Variants in PDXDC1 observed in about 807,000 individuals in gnomAD.
PDXDC1 encodes pyridoxal dependent decarboxylase domain containing 1.
In PDXDC1, 42 loss-of-function variants were observed where a neutral mutation model predicts 100.1. The ratio of observed to expected loss-of-function variants is 0.42; its 90% CI spans 0.33 to 0.54. PDXDC1 has a LOEUF of 0.54. Among genes scored for constraint, PDXDC1 ranks in the 20% least tolerant of loss-of-function variants. PDXDC1 has a pLI of 0.10. For missense variants in PDXDC1, 636 were observed against 979.2 expected, an observed-to-expected ratio of 0.65 and a Z score of 4.68; for synonymous variants, 260 against 371.7, an observed-to-expected ratio of 0.70 and a Z score of 3.46.
At chr16:15,024,673 A>T (rs1226016832) in intron 13 of PDXDC1, among the ~76,000 whole-genome samples, 3 of 152,260 alleles carry the variant, frequency 2.0e-5, no homozygotes, top group Non-Finnish European at 4.4e-5. Flanking sequence ...AGCCTCCCAA[A>T]GTGCTGGGAT....
intron 21 of PDXDC1, among the ~76,000 whole-genome samples, 194 bp from the exon 22 acceptor site, chr16:15,035,255 C>T (rs2043339871): frequency 6.6e-6 from 1 of 152,230 alleles, no homozygotes; most frequent in Non-Finnish European, 1.5e-5. Flanking sequence ...CTGGCGGATG[C>T]TGGCGGTACT....
intron 16 of PDXDC1, among the ~76,000 whole-genome samples, chr16:15,112,108 A>C (rs562532243): frequency 6.8e-6 from 1 of 147,802 alleles, no homozygotes; most frequent in South Asian, 2.2e-4. Flanking sequence ...ATATTATCAC[A>C]GTATGCTTTT....
At chr16:15,055,820 AG>A (rs1274266565) in intron 16 of PDXDC1, 2 of 818,364 alleles carry the variant, frequency 2.4e-6, no homozygotes, top group Middle Eastern at 2.9e-4. Flanking sequence ...GTGTCGCGTG[AG>A]GGGGGCGCTA....
At chr16:15,018,488 A>G (rs2041956642) in intron 11 of PDXDC1, among the ~76,000 whole-genome samples, 2 of 152,294 alleles carry the variant, frequency 1.3e-5, no homozygotes, top group African/African-American at 2.4e-5. Context: ...GATTTCTGCT[A>G]AAACACTGCT....
intron 3 of PDXDC1, among the ~76,000 whole-genome samples, chr16:14,998,640 G>T (rs1282606062): frequency 5.9e-5 from 9 of 152,276 alleles, no homozygotes; most frequent in Admixed American, 5.2e-4. Context: ...GTAGAGATGG[G>T]ATTTTGCCAT....
chr16:15,091,423 T>C (rs1444745802), intron 16 of PDXDC1: 3 of 1,286,184 alleles, frequency 2.3e-6, no homozygotes, highest in Non-Finnish European at 3.3e-6. Context: ...CTGTTTAGTA[T>C]CAACAGCAAG....
At position 15,021,464 on chromosome 16, in the gene PDXDC1, T is replaced by C. The variant is rs187706162; in HGVS notation, c.1090-1240T>C. ...TTTTTTGAAAAGTGTCTCACTGTGC[T>C]ATTAGCTCACTTCTTGAGATGTGGT... On this transcript the variant is annotated intron_variant, in intron 12 of 22. Coordinates refer to ENST00000396410, the MANE Select transcript of PDXDC1 (RefSeq NM_015027.4). Among the ~76,000 whole-genome samples the C allele has an allele frequency of 9.2e-5, 14 of 152,418 alleles. No homozygotes were observed. In the East Asian group the frequency reaches 2.5e-3, roughly 27 times the overall value.
chr16:15,094,773 T>G (rs1300522438), intron 16 of PDXDC1: 1 of 156,394 alleles, frequency 6.4e-6, no homozygotes, highest in Non-Finnish European at 1.4e-5. Flanking sequence ...AAGGCTATGG[T>G]GATGCTGGCA....
At chr16:15,005,332 C>T (rs1974045087) in intron 5 of PDXDC1, among the ~76,000 whole-genome samples, 1 of 147,700 alleles carries the variant, frequency 6.8e-6, no homozygotes, top group South Asian at 2.1e-4. Context: ...AAAACTCTGT[C>T]ATAAGGAAGA....
At chr16:15,084,904 A>G (rs1429500791) in intron 16 of PDXDC1, among the ~76,000 whole-genome samples, 2 of 152,114 alleles carry the variant, frequency 1.3e-5, no homozygotes, top group East Asian at 3.9e-4. Context: ...CATCTCTACT[A>G]AAAATACAAA....
Position 15,071,296 on chromosome 16 carries a change from G to A in PDXDC1, c.1399+41240G>A, listed in dbSNP as rs535992234. The A allele has an allele frequency of 4.6e-6, 7 of 1,536,146 alleles. No homozygotes were observed. The South Asian group carries it at 5.0e-5, about 11-fold the overall frequency. On this transcript the variant is annotated intron_variant, in intron 16 of 16. Transcript: ENST00000535621. ...CGGTGTGATCTTTTTTAATGCCTAAGATAATCTGGCTATCAAAATCCCAAG... is the reference window on the plus strand; with the variant it reads ...CGGTGTGATCTTTTTTAATGCCTAAAATAATCTGGCTATCAAAATCCCAAG...
intron 3 of PDXDC1, among the ~76,000 whole-genome samples, chr16:14,999,838 G>A (rs2151341785): frequency 6.6e-6 from 1 of 152,378 alleles, no homozygotes; most frequent in East Asian, 1.9e-4. Flanking sequence ...TCCCAGCCCA[G>A]CTTCCCTGAG....
chr16:15,078,787 A>C, intron 16 of PDXDC1, among the ~76,000 whole-genome samples: 1 of 149,462 alleles, frequency 6.7e-6, no homozygotes, highest in African/African-American at 2.5e-5. Flanking sequence ...CTACTCTTCC[A>C]ACTGCCTCCT....
In PDXDC1 at chr16:15,125,997, G is replaced by C; in HGVS notation, c.1400-12882G>C. ...TCGCGACGTGTGCCACTGAACACTTGACAGCAGACTGGTGCAGCTAAGGAA... is the reference window on the plus strand; with the variant it reads ...TCGCGACGTGTGCCACTGAACACTTCACAGCAGACTGGTGCAGCTAAGGAA... On this transcript the variant is annotated intron_variant, in intron 16 of 16. Transcript: ENST00000535621. 10 of 598,968 alleles carry C rather than the reference G, an allele frequency of 1.7e-5. No homozygotes were observed. In the South Asian group the frequency reaches 1.8e-4, roughly 11 times the overall value. 37.1% of individuals were successfully genotyped at this position (598,968 alleles called of 1,614,324 possible). A position where few individuals can be genotyped will look rare whatever the true frequency, so the allele number is the denominator to read the frequency against.
intron 14 of PDXDC1, among the ~76,000 whole-genome samples, chr16:15,027,630 G>A (rs1475772436): frequency 3.9e-5 from 6 of 152,412 alleles, no homozygotes; most frequent in African/African-American, 9.6e-5. Context: ...GAGTTGGGCC[G>A]CTCAGCGGCC....
At chr16:15,035,788 C>T (rs1010183276) in intron 22 of PDXDC1, among the ~76,000 whole-genome samples, 2 of 152,158 alleles carry the variant, frequency 1.3e-5, no homozygotes, top group African/African-American at 4.8e-5. Flanking sequence ...TGTTTACCCT[C>T]CTGGGCGTTT....
rs561905430 is a variant in PDXDC1, at chr16:15,111,117, G to T, written c.1400-27762G>T. On this transcript the variant is annotated intron_variant, in intron 16 of 16. Coordinates refer to the PDXDC1 transcript ENST00000535621. ...CACTCCAGCCTGAGCGACAGAATGA[G>T]ACTCTGTCACACACACACACACACA... Among the ~76,000 whole-genome samples the T allele has an allele frequency of 7.2e-5, 8 of 111,266 alleles. No homozygotes were observed. The South Asian group carries it at 2.7e-3, about 38-fold the overall frequency. The allele number at this position is 111,266 out of a possible 152,430, so 73.0% of individuals were successfully genotyped here. A position where few individuals can be genotyped will look rare whatever the true frequency, so the allele number is the denominator to read the frequency against.
At chr16:15,041,179 T>C, downstream of PDXDC1, 1 of 1,125,998 alleles carries the variant, frequency 8.9e-7, no homozygotes, top group Non-Finnish European at 1.4e-6. Flanking sequence ...TGATTATTTT[T>C]ACTTTGTATA....
Position 15,037,908 on chromosome 16 carries a change from A to T in PDXDC1, c.*1633A>T, listed in dbSNP as rs1567748129. The T allele has an allele frequency of 3.3e-6, 2 of 605,818 alleles. No homozygotes were observed. The highest frequency in any genetic ancestry group is 2.9e-6 in the Non-Finnish European group (1 of 343,526). The allele number at this position is 605,818 out of a possible 1,614,324, so 37.5% of individuals were successfully genotyped here. ...AAGTCATTTGATGAAAGTCATTTGA[A>T]AGACACTGAGGAGGGAAGGAGGCCT... On this transcript the variant is annotated 3_prime_UTR_variant, in exon 23 of 23. Coordinates refer to ENST00000396410, the MANE Select transcript of PDXDC1 (RefSeq NM_015027.4).
Sources: gnomAD v4.1 joint callset for allele counts (sites outside exome capture counted in the v4.1 genomes callset) on GRCh38, gnomAD v4.1.1 for gene constraint, MANE v1.5 for transcripts, NCBI Gene and HGNC (gene_info 2026-07-23, HGNC 2026-07-21) for gene names.